SNX2: variants seen among roughly 807,000 people sequenced by gnomAD.
The protein encoded by SNX2 is sorting nexin-2.
Under a neutral mutation model 69.9 loss-of-function variants are expected in SNX2, and 25 were observed. The ratio of observed to expected loss-of-function variants is 0.36; its 90% CI spans 0.26 to 0.50. SNX2 has a LOEUF of 0.50. SNX2 is among the 20% of genes least tolerant of loss of function. SNX2 has a pLI of 0.97. For synonymous variants in SNX2, 229 were observed against 200.4 expected (o/e 1.14, Z -1.20); for missense variants, 551 against 613.3 (o/e 0.90, Z 1.07).
In SNX2 at chr5:122,829,699, T is replaced by G. The variant is rs747232974; in HGVS notation, c.*51T>G. ...ACCTTGGATGTTGTTCCAGTTATGC[T>G]GGATTCCACAGTGAAATCATTTAAA... On this transcript the variant is annotated 3_prime_UTR_variant, in exon 15 of 15. Coordinates refer to ENST00000379516, the MANE Select transcript of SNX2 (RefSeq NM_003100.4). 1 of 1,454,722 alleles carries G rather than the reference T, an allele frequency of 6.9e-7. No homozygotes were observed. The allele number at this position is 1,454,722 out of a possible 1,614,324, so 90.1% of individuals were successfully genotyped here.
At position 122,795,268 on chromosome 5, in the gene SNX2, A is replaced by C; in HGVS notation, c.111A>C (p.Ser37=). ...LFTSTVSTLE[S]SPSSPEPASL... Reference sequence around the variant, plus strand: ...CTATTATTGTTCTTTTTTAACAGTCAAGTCCATCATCTCCAGAACCAGCTA... The same window carrying C: ...CTATTATTGTTCTTTTTTAACAGTCCAGTCCATCATCTCCAGAACCAGCTA... The change falls in exon 2 of 15, where the codon TCA becomes TCC. Residue 37 remains serine, a splice_region_variant and synonymous_variant. Transcript: ENST00000379516. 1.9e-6 allele frequency: 3 copies of C among 1,608,096 alleles called. No individual in the cohort carries two copies. The highest frequency in any genetic ancestry group is 1.7e-4 in the Middle Eastern group (1 of 6,056).
At chr5:122,819,123 C>G (rs1010808066) in intron 11 of SNX2, 100 bp downstream of exon 11, 11 of 870,258 alleles carry the variant, frequency 1.3e-5, no homozygotes, top group African/African-American at 1.2e-4. Flanking sequence ...TCCTCCTATA[C>G]TAGCATGAAT....
Position 122,829,657 on chromosome 5 carries a change from T to G in SNX2, c.*9T>G. On this transcript the variant is annotated 3_prime_UTR_variant, in exon 15 of 15. Transcript: ENST00000379516. ...CCAAAGCCATTGCCTAGCAATAAGA[T>G]TGTTGCCGTTAAGAAGACCTTGGAT... The G allele has an allele frequency of 6.2e-7, 1 of 1,611,912 alleles. No individual in the cohort carries two copies. Among genetic ancestry groups the G allele is most frequent in the Non-Finnish European group, 8.5e-7 (1 of 1,178,076 alleles).
Position 122,832,703 on chromosome 5 carries a change from TGAGTA to T in SNX2, c.*3059_*3063del, listed in dbSNP as rs1754321457. On this transcript the variant is annotated 3_prime_UTR_variant, in exon 15 of 15. Transcript: ENST00000379516. ...GCTTTCTTTAAAGGAGGAAGTCAGA[TGAGTA>T]GAGAAGGAAAGTTATATTCCTTTAC... 6.6e-6 allele frequency: 1 copy of T among 152,340 alleles called. No homozygotes were observed. The highest frequency in any genetic ancestry group is 6.5e-5 in the Admixed American group (1 of 15,300). 9.4% of individuals were successfully genotyped at this position (152,340 alleles called of 1,614,324 possible).
chr5:122,775,536 A>C, intron 1 of SNX2: 1 of 1,038,160 alleles, frequency 9.6e-7, no homozygotes, highest in Non-Finnish European at 1.2e-6. Context: ...CAAGCCGGAG[A>C]AGGGCTTGCT....
At chr5:122,785,178 A>T (rs1395221387) in intron 1 of SNX2, among the ~76,000 whole-genome samples, 5 of 146,500 alleles carry the variant, frequency 3.4e-5, no homozygotes, top group African/African-American at 1.3e-4. Flanking sequence ...GCTTTCATTG[A>T]TTTTTTTCCT....
rs58159922 is a variant in SNX2, at chr5:122,831,009, CAAAAAAAAAAAAAA to C, written c.*1372_*1385del. On this transcript the variant is annotated 3_prime_UTR_variant, in exon 15 of 15. Transcript: ENST00000379516. ...AGGCAACAAAAGCAAAACTCCATCT[CAAAAAAAAAAAAAA>C]AAAAAAAAAAGATGACTGGTGTCAG... Among the ~76,000 whole-genome samples the C allele has an allele frequency of 1.4e-4, 9 of 63,006 alleles. No individual in the cohort carries two copies. The highest frequency in any genetic ancestry group is 4.8e-4 in the African/African-American group (8 of 16,756). 41.3% of individuals were successfully genotyped at this position (63,006 alleles called of 152,430 possible).
rs371239936 is a variant in SNX2 at position 122,826,047 on chromosome 5, T to C, written c.1213-3T>C. ...TTAATAGCATTATGTCATTCACTTA[T>C]AGGGTGTGTTTGACCATCGAATGAA... On this transcript the variant is annotated splice_region_variant and splice_polypyrimidine_tract_variant and intron_variant, in intron 11 of 14. Transcript: ENST00000379516. 30 of 1,612,342 alleles carry C rather than the reference T, an allele frequency of 1.9e-5. No individual in the cohort carries two copies. Among genetic ancestry groups the C allele is most frequent in the South Asian group, 7.7e-5 (7 of 90,986 alleles).
chr5:122,813,584 G>A (rs961833783), intron 7 of SNX2, among the ~76,000 whole-genome samples: 1 of 151,894 alleles, frequency 6.6e-6, no homozygotes, highest in African/African-American at 2.4e-5. Flanking sequence ...ATAAAATGCT[G>A]TTTGATATGA....
intron 1 of SNX2, among the ~76,000 whole-genome samples, chr5:122,791,400 G>C (rs551106090): frequency 6.6e-6 from 1 of 152,276 alleles, no homozygotes; most frequent in South Asian, 2.1e-4. Context: ...TCCTGCCTCA[G>C]CCTCCTGGGT....
intron 8 of SNX2, among the ~76,000 whole-genome samples, chr5:122,816,668 A>G (rs970734337): frequency 6.6e-6 from 1 of 152,138 alleles, no homozygotes; most frequent in Non-Finnish European, 1.5e-5. Context: ...TTCCATCTAA[A>G]TGTAAACGTG....
At chr5:122,824,720 A>G (rs1445945482) in intron 11 of SNX2, among the ~76,000 whole-genome samples, 1 of 152,190 alleles carries the variant, frequency 6.6e-6, no homozygotes, top group Non-Finnish European at 1.5e-5. Flanking sequence ...GCCATATGAT[A>G]TAAATGCTTT....
rs150660892 is a variant in SNX2 at position 122,778,360 on chromosome 5, C to A, written c.108+3149C>A. Among the ~76,000 whole-genome samples, 1,077 of 152,166 alleles carry A rather than the reference C, an allele frequency of 7.1e-3. 11 individuals are homozygous for A. The highest frequency in any genetic ancestry group is 0.024 in the African/African-American group (986 of 41,500). ...CCAGTAGTGGGATTGCTGAATCATC[C>A]GGTAGTTGTATTTTCAGTTTTCTGA... On this transcript the variant is annotated intron_variant, in intron 1 of 14. Transcript: ENST00000379516.
intron 1 of SNX2, among the ~76,000 whole-genome samples, chr5:122,786,804 TC>T (rs1753101636): frequency 6.6e-6 from 1 of 152,168 alleles, no homozygotes; most frequent in Non-Finnish European, 1.5e-5. Context: ...TTGTATTCTA[TC>T]CAGAACTTTT....
intron 1 of SNX2, among the ~76,000 whole-genome samples, chr5:122,785,704 T>C (rs908938502): frequency 6.6e-5 from 10 of 152,222 alleles, no homozygotes; most frequent in African/African-American, 2.4e-4. Context: ...AGATAGCTAT[T>C]ACTGATTTCT....
At chr5:122,806,142 G>GCACGCACGCACGCACACACACACA (rs1554063175) in intron 6 of SNX2, among the ~76,000 whole-genome samples, 1 of 130,584 alleles carries the variant, frequency 7.7e-6, no homozygotes, top group African/African-American at 2.9e-5. Context: ...ACACGCGCGC[G>GCACGCACGCACGCACACACACACA]CACACACACA....
chr5:122,804,805 A>G (rs1397855968), intron 6 of SNX2, among the ~76,000 whole-genome samples: 1 of 152,334 alleles, frequency 6.6e-6, no homozygotes, highest in East Asian at 1.9e-4. Context: ...ATGCTTTTTC[A>G]GTCATAGGTT....
rs1222616635 is a variant in SNX2 at position 122,829,906 on chromosome 5, A to G, written c.*258A>G. On this transcript the variant is annotated 3_prime_UTR_variant, in exon 15 of 15. Transcript: ENST00000379516. ...GCAATACTTTGCTGAATTGAACACT[A>G]TTGTGTCTTAAATACTTGCACTAAA... 2 of 495,438 alleles carry G rather than the reference A, an allele frequency of 4.0e-6. No individual in the cohort carries two copies. Among genetic ancestry groups the G allele is most frequent in the African/African-American group, 1.9e-5 (1 of 51,496 alleles). The allele number at this position is 495,438 out of a possible 1,614,324, so 30.7% of individuals were successfully genotyped here.
chr5:122,806,528 C>G (rs923503550), intron 6 of SNX2, among the ~76,000 whole-genome samples: 18 of 152,002 alleles, frequency 1.2e-4, no homozygotes, highest in Non-Finnish European at 2.2e-4. Context: ...GAAGACTATT[C>G]CATTTAAACT....
Sources: allele counts gnomAD v4.1 joint callset (sites outside exome capture counted in the v4.1 genomes callset), GRCh38; gene constraint gnomAD v4.1.1; transcripts MANE v1.5; gene names NCBI Gene and HGNC (gene_info 2026-07-23, HGNC 2026-07-21).